CYRIA: variants seen among roughly 807,000 people sequenced by gnomAD.
CYRIA encodes the protein CYFIP related Rac1 interactor A, also known as CYFIP-related Rac1 interactor A.
A neutral mutation model predicts 43.9 loss-of-function variants in CYRIA; 15 were observed. The ratio of observed to expected loss-of-function variants is 0.34; its 90% CI spans 0.23 to 0.53. CYRIA has a LOEUF of 0.53. Ranked by LOEUF, CYRIA falls within the 20% of genes least tolerant of loss-of-function variation. CYRIA has a pLI of 0.94. For missense variants in CYRIA, 236 were observed against 394.2 expected (o/e 0.60, Z 3.40); for synonymous variants, 117 against 136.0 (o/e 0.86, Z 0.97).
intron 1 of CYRIA, among the ~76,000 whole-genome samples, chr2:16,660,160 C>T (rs1386359212): frequency 6.6e-6 from 1 of 152,168 alleles, no homozygotes; most frequent in Non-Finnish European, 1.5e-5. Context: ...GGAAATGAGT[C>T]CAAGAGCTTA....
At chr2:16,642,619 C>T (rs560503820) in intron 1 of CYRIA, among the ~76,000 whole-genome samples, 1 of 152,268 alleles carries the variant, frequency 6.6e-6, no homozygotes, top group African/African-American at 2.4e-5. Flanking sequence ...CCAGCAGCAC[C>T]CTTCATCAGA....
At chr2:16,625,277 G>A (rs1319377831) in intron 1 of CYRIA, among the ~76,000 whole-genome samples, 2 of 152,036 alleles carry the variant, frequency 1.3e-5, no homozygotes, top group Admixed American at 1.3e-4. Flanking sequence ...AGCAGCAGGG[G>A]CAGCAGCAAG....
intron 3 of CYRIA, among the ~76,000 whole-genome samples, chr2:16,571,046 T>A (rs2103427394): frequency 6.6e-6 from 1 of 152,142 alleles, no homozygotes; most frequent in East Asian, 1.9e-4. Flanking sequence ...GGACATTATG[T>A]GGGGGGATGA....
In CYRIA at chr2:16,561,050, T is replaced by G. The variant is rs1666707150; in HGVS notation, c.650A>C (p.Glu217Ala). The change falls in exon 9 of 12, where the codon GAG (glutamate) becomes GCG (alanine). Residue 217 changes from glutamate to alanine, a missense_variant. This residue lies in a region of CYRIA where 193 missense variants were observed against 303.9 expected (regional missense o/e 0.64). Coordinates refer to ENST00000381323, the MANE Select transcript of CYRIA (RefSeq NM_030797.4). ...FVSENKTLPI[E>A]NTTDCLSTMT... ...TGTGCTGAGGCAGTCTGTGGTGTTCTCTATTGGCAGAGTTTTGTTCTAAAT... is the reference window on the plus strand; with the variant it reads ...TGTGCTGAGGCAGTCTGTGGTGTTCGCTATTGGCAGAGTTTTGTTCTAAAT... 1 of 1,613,704 alleles carries G rather than the reference T, an allele frequency of 6.2e-7. No homozygotes were observed. Among genetic ancestry groups the G allele is most frequent in the South Asian group, 1.1e-5 (1 of 91,082 alleles).
At chr2:16,576,069 C>T (rs551152340) in intron 3 of CYRIA, among the ~76,000 whole-genome samples, 1 of 152,112 alleles carries the variant, frequency 6.6e-6, no homozygotes, top group Non-Finnish European at 1.5e-5. Context: ...TGCCCAATCT[C>T]GGGTATGTCT....
At chr2:16,662,101 A>G (rs1234012598) in intron 1 of CYRIA, among the ~76,000 whole-genome samples, 1 of 152,108 alleles carries the variant, frequency 6.6e-6, no homozygotes. Context: ...TGATTCGTGC[A>G]TTGTTGTGGT....
At chr2:16,628,748 G>A (rs549585038) in intron 1 of CYRIA, among the ~76,000 whole-genome samples, 1 of 152,282 alleles carries the variant, frequency 6.6e-6, no homozygotes, top group South Asian at 2.1e-4. Flanking sequence ...TTTATGTCCA[G>A]TTGTGTTGGT....
rs560172260 is a variant in CYRIA, at chr2:16,555,202, C to T, written c.838-63G>A. 1.4e-4 allele frequency: 191 copies of T among 1,397,122 alleles called. 2 individuals carry two copies. The East Asian group carries it at 4.4e-3, about 32-fold the overall frequency. 86.5% of individuals were successfully genotyped at this position (1,397,122 alleles called of 1,614,324 possible). ...TAATACTGTCTATGCCAATATCTAC[C>T]CATAATAACATGTGCCCATAATGTC... On this transcript the variant is annotated intron_variant, in intron 10 of 11. Coordinates refer to ENST00000381323, the MANE Select transcript of CYRIA (RefSeq NM_030797.4).
intron 3 of CYRIA, among the ~76,000 whole-genome samples, chr2:16,585,202 T>C (rs975135696): frequency 2.6e-5 from 4 of 152,208 alleles, no homozygotes; most frequent in South Asian, 2.1e-4. Flanking sequence ...AAATCATCTT[T>C]AGGAAATAGG....
chr2:16,649,935 A>T (rs1669927822), intron 1 of CYRIA, among the ~76,000 whole-genome samples: 1 of 152,216 alleles, frequency 6.6e-6, no homozygotes, highest in African/African-American at 2.4e-5. Flanking sequence ...TGAAAATAGA[A>T]TAAAGAAAGC....
chr2:16,549,775 T>C lies in CYRIA; in HGVS notation c.*3161A>G, dbSNP rs1666229612. On this transcript the variant is annotated 3_prime_UTR_variant, in exon 12 of 12. Coordinates refer to ENST00000381323, the MANE Select transcript of CYRIA (RefSeq NM_030797.4). ...TGGATCCTAAGATTGGGAGGCTTAA[T>C]TTTTCTTTGGGGAAAACATGAAATT... is the stretch of plus-strand genomic sequence containing the variant. 6.6e-6 allele frequency: 1 copy of C among 152,134 alleles called. No individual in the cohort carries two copies. The highest frequency in any genetic ancestry group is 1.5e-5 in the Non-Finnish European group (1 of 68,018). The allele number at this position is 152,134 out of a possible 1,614,324, so 9.4% of individuals were successfully genotyped here.
chr2:16,639,796 A>G (rs1445767678), intron 1 of CYRIA, among the ~76,000 whole-genome samples: 1 of 152,186 alleles, frequency 6.6e-6, no homozygotes, highest in Admixed American at 6.5e-5. Context: ...ATAGCCTTAA[A>G]GCTTGCCCTA....
At chr2:16,582,665 T>A (rs1431402697) in intron 3 of CYRIA, among the ~76,000 whole-genome samples, 1 of 152,246 alleles carries the variant, frequency 6.6e-6, no homozygotes, top group African/African-American at 2.4e-5. Context: ...ATTTCAAGGT[T>A]CATCCATGTC....
intron 1 of CYRIA, among the ~76,000 whole-genome samples, chr2:16,632,247 A>G (rs1015875102): frequency 2.0e-5 from 3 of 152,202 alleles, no homozygotes; most frequent in African/African-American, 7.2e-5. Flanking sequence ...GAGTGTTTCT[A>G]TAAGAGCTTA....
chr2:16,569,098 C>T (rs1667043453), intron 3 of CYRIA, among the ~76,000 whole-genome samples: 1 of 152,150 alleles, frequency 6.6e-6, no homozygotes, highest in African/African-American at 2.4e-5. Flanking sequence ...CTCTCCATCC[C>T]AGGTGAAGGG....
chr2:16,561,898 T>C (rs1431441854), intron 6 of CYRIA, 107 bp downstream of exon 6: 3 of 1,052,088 alleles, frequency 2.9e-6, no homozygotes, highest in African/African-American at 3.2e-5. Context: ...AGGAATTACA[T>C]CTTACTCATT....
rs78263658 is a variant in CYRIA, at chr2:16,601,725, A to G, written c.-10-13596T>C. 4.7e-3 allele frequency among the ~76,000 whole-genome samples: 712 copies of G among 151,288 alleles called. 19 individuals are homozygous for G. Among genetic ancestry groups the G allele is most frequent in the East Asian group, 6.2e-3 (32 of 5,190 alleles). On this transcript the variant is annotated intron_variant, in intron 2 of 11. Transcript: ENST00000381323. ...ATTTCCAGTTTCAAAAAAAAAAAAA[A>G]AGAGAGAATTCATATATGCAGACAC...
intron 3 of CYRIA, among the ~76,000 whole-genome samples, chr2:16,566,070 C>T (rs1666922265): frequency 1.3e-5 from 2 of 152,130 alleles, no homozygotes; most frequent in African/African-American, 4.8e-5. Flanking sequence ...AAACAGGGCA[C>T]TGAGTGATAG....
At chr2:16,654,177 G>T (rs1572206649) in intron 1 of CYRIA, among the ~76,000 whole-genome samples, 2 of 152,280 alleles carry the variant, frequency 1.3e-5, no homozygotes, top group East Asian at 1.9e-4. Flanking sequence ...TGCAGCCTGT[G>T]AATCACTGAT....
Sources: gnomAD v4.1 joint callset for allele counts (sites outside exome capture counted in the v4.1 genomes callset) on GRCh38, gnomAD v4.1.1 for gene constraint, gnomAD v4.1.1 regional missense constraint, MANE v1.5 for transcripts, NCBI Gene and HGNC (gene_info 2026-07-23, HGNC 2026-07-21) for gene names.